Variants in PDZD2 observed in about 807,000 individuals in gnomAD.
PDZD2 encodes PDZ domain containing 2, also known as PDZ domain-containing protein 2.
A neutral mutation model predicts 220.7 loss-of-function variants in PDZD2; 90 were observed. The observed-to-expected ratio is 0.41, with a 90% CI of 0.34 to 0.49. The LOEUF is 0.49. Among genes scored for constraint, PDZD2 ranks in the 20% least tolerant of loss-of-function variants. PDZD2 has a pLI of 0.28. For synonymous variants in PDZD2, 1,375 were observed against 1,450.5 expected, an observed-to-expected ratio of 0.95 and a Z score of 1.18; for missense variants, 3,174 against 3,608.5, an observed-to-expected ratio of 0.88 and a Z score of 3.08.
intron 19 of PDZD2, among the ~76,000 whole-genome samples, chr5:32,080,442 A>C (rs964350367): frequency 3.3e-5 from 5 of 151,854 alleles, no homozygotes; most frequent in Admixed American, 3.3e-4. Flanking sequence ...CACCTTTCAA[A>C]GTAAGGCTTC....
rs529847905 is a variant in PDZD2 at position 31,985,665 on chromosome 5, T to A, written c.978+2009T>A. On this transcript the variant is annotated intron_variant, in intron 3 of 24. Coordinates refer to ENST00000438447, the MANE Select transcript of PDZD2 (RefSeq NM_178140.4). ...CCAGGAATCGCACCACCACCCTTCA[T>A]CCTGGTCAACAGAGTGAGACTGTCT... Among the ~76,000 whole-genome samples the A allele has an allele frequency of 1.8e-4, 28 of 152,032 alleles. 1 individual carries two copies. The highest frequency in any genetic ancestry group is 8.8e-5 in the Non-Finnish European group (6 of 68,004).
intron 6 of PDZD2, 43 bp from the exon 7 acceptor site, chr5:32,037,188 A>G: frequency 1.6e-6 from 2 of 1,248,350 alleles, no homozygotes; most frequent in South Asian, 2.4e-5. Flanking sequence ...AAGTCATCGC[A>G]GGGCTGGGCT....
At chr5:31,725,804 A>C in intron 1 of PDZD2, 1 of 934,454 alleles carries the variant, frequency 1.1e-6, no homozygotes. Context: ...AGATCTTGAA[A>C]AAGATCCACT....
chr5:31,748,829 G>C (rs1294694954), intron 1 of PDZD2, among the ~76,000 whole-genome samples: 1 of 152,234 alleles, frequency 6.6e-6, no homozygotes, highest in Non-Finnish European at 1.5e-5. Context: ...ACATTGCAAT[G>C]ACAGATTTTA....
intron 3 of PDZD2, among the ~76,000 whole-genome samples, chr5:31,987,490 T>G (rs1750810305): frequency 6.6e-6 from 1 of 152,182 alleles, no homozygotes; most frequent in African/African-American, 2.4e-5. Context: ...AGAGGCAGCC[T>G]GAGGATGGTC....
chr5:32,100,260 CCTA>C, intron 23 of PDZD2: 3 of 160,036 alleles, frequency 1.9e-5, no homozygotes, highest in Admixed American at 5.8e-5. Context: ...TGGCTTCAGC[CCTA>C]GTGAACAGTG....
intron 19 of PDZD2, among the ~76,000 whole-genome samples, chr5:32,086,708 C>T (rs1742491591): frequency 6.6e-6 from 1 of 151,558 alleles, no homozygotes; most frequent in Non-Finnish European, 1.5e-5. Context: ...CGGAGTTTCG[C>T]TCTTTTTGCC....
chr5:31,652,477 A>G (rs1340051740), intron 1 of PDZD2, among the ~76,000 whole-genome samples: 1 of 152,168 alleles, frequency 6.6e-6, no homozygotes, highest in Non-Finnish European at 1.5e-5. Context: ...TCTCAACATG[A>G]CACTCATTTC....
chr5:31,662,693 A>G (rs531737990), intron 1 of PDZD2, among the ~76,000 whole-genome samples: 8 of 152,112 alleles, frequency 5.3e-5, no homozygotes, highest in Non-Finnish European at 7.4e-5. Context: ...GCAGTGGCGC[A>G]ATCTCAGCTC....
At chr5:31,865,948 C>A (rs1221015834) in intron 2 of PDZD2, among the ~76,000 whole-genome samples, 2 of 147,884 alleles carry the variant, frequency 1.4e-5, no homozygotes, top group Non-Finnish European at 3.0e-5. Flanking sequence ...TTTTTTTAAT[C>A]CCCTGGGTTT....
chr5:31,681,665 T>C (rs1488685440), intron 1 of PDZD2, among the ~76,000 whole-genome samples: 1 of 152,168 alleles, frequency 6.6e-6, no homozygotes, highest in Admixed American at 6.5e-5. Context: ...GATCACAAAA[T>C]GCTATGTGGA....
In PDZD2 at chr5:32,076,188, A is replaced by G. The variant is rs1260994038; in HGVS notation, c.3538-1274A>G. Among the ~76,000 whole-genome samples the G allele has an allele frequency of 2.0e-5, 3 of 149,234 alleles. 1 individual carries two copies. The highest frequency in any genetic ancestry group is 4.4e-4 in the South Asian group (2 of 4,538). On this transcript the variant is annotated intron_variant, in intron 18 of 24. Coordinates refer to ENST00000438447, the MANE Select transcript of PDZD2 (RefSeq NM_178140.4). Reference sequence around the variant, plus strand: ...GTAATCCCAGCTACTCGGGAGTCTGAGGCAGGAGAATCTCTTGAACTCGGG... The same window carrying G: ...GTAATCCCAGCTACTCGGGAGTCTGGGGCAGGAGAATCTCTTGAACTCGGG...
chr5:32,026,048 T>A lies in PDZD2; in HGVS notation c.1408-11183T>A, dbSNP rs1223984535. On this transcript the variant is annotated intron_variant, in intron 6 of 24. Coordinates refer to ENST00000438447, the MANE Select transcript of PDZD2 (RefSeq NM_178140.4). ...AGCCTGGTATGTTTACTGTTGCTGC[T>A]GAATTGGATTTGACTCTGCTGCTGT... Among the ~76,000 whole-genome samples the A allele has an allele frequency of 2.6e-5, 4 of 152,210 alleles. No homozygotes were observed. The East Asian group carries it at 7.7e-4, about 29-fold the overall frequency.
chr5:32,042,853 G>T (rs929875919), intron 7 of PDZD2, among the ~76,000 whole-genome samples: 1 of 152,130 alleles, frequency 6.6e-6, no homozygotes, highest in Non-Finnish European at 1.5e-5. Flanking sequence ...GTCCATCTTG[G>T]CAGAGTTGTT....
chr5:31,971,743 C>T (rs1436159472), intron 2 of PDZD2, among the ~76,000 whole-genome samples: 2 of 146,376 alleles, frequency 1.4e-5, no homozygotes, highest in African/African-American at 2.6e-5. Flanking sequence ...TAATACATTT[C>T]ACATTCCTCC....
intron 2 of PDZD2, among the ~76,000 whole-genome samples, chr5:31,814,814 TA>T (rs953458681): frequency 4.3e-4 from 61 of 140,540 alleles, no homozygotes; most frequent in Admixed American, 1.2e-3. Flanking sequence ...AGACTCCATC[TA>T]AAAAAAAAAG....
intron 2 of PDZD2, chr5:31,822,979 T>C (rs2150257638): frequency 8.7e-7 from 1 of 1,150,968 alleles, no homozygotes. Context: ...CCGGGGCCTC[T>C]TTTTTTTCTT....
intron 2 of PDZD2, among the ~76,000 whole-genome samples, chr5:31,934,607 T>TAG (rs1745564274): frequency 8.5e-6 from 1 of 118,082 alleles, no homozygotes; most frequent in African/African-American, 3.3e-5. Context: ...ACCATCTAAT[T>TAG]AAAAAAAAAA....
chr5:31,966,207 T>A (rs1330647431), intron 2 of PDZD2, among the ~76,000 whole-genome samples: 1 of 152,216 alleles, frequency 6.6e-6, no homozygotes, highest in Non-Finnish European at 1.5e-5. Context: ...TTATGAATTC[T>A]ACCTTGGTAG....
Sources: gnomAD v4.1 joint callset for allele counts (sites outside exome capture counted in the v4.1 genomes callset) on GRCh38, gnomAD v4.1.1 for gene constraint, MANE v1.5 for transcripts, NCBI Gene and HGNC (gene_info 2026-07-23, HGNC 2026-07-21) for gene names.